NIPAL3: variants seen among roughly 807,000 people sequenced by gnomAD.
NIPAL3 encodes the protein NIPA like domain containing 3.
Under a neutral mutation model 47.2 loss-of-function variants are expected in NIPAL3, and 41 were observed. The ratio of observed to expected loss-of-function variants is 0.87; its 90% CI spans 0.68 to 1.13. NIPAL3 has a LOEUF of 1.13. Ranked by LOEUF, NIPAL3 falls within the 50% of genes most tolerant of loss-of-function variation. The pLI, the probability that NIPAL3 is intolerant of heterozygous loss-of-function variation, is 0.00. For missense variants in NIPAL3, 449 were observed against 530.1 expected, an observed-to-expected ratio of 0.85 and a Z score of 1.50; for synonymous variants, 194 against 209.6, an observed-to-expected ratio of 0.93 and a Z score of 0.64.
At chr1:24,439,527 GTGT>G (rs936415334) in intron 2 of NIPAL3, among the ~76,000 whole-genome samples, 7 of 151,982 alleles carry the variant, frequency 4.6e-5, no homozygotes, top group African/African-American at 7.3e-5. Context: ...TATTATGGTG[GTGT>G]TGTTATTGTT....
At chr1:24,462,740 C>T (rs1034561556) in intron 10 of NIPAL3, among the ~76,000 whole-genome samples, 15 of 152,052 alleles carry the variant, frequency 9.9e-5, no homozygotes, top group African/African-American at 3.6e-4. Context: ...GCACTCCAGC[C>T]TGGGCGACAG....
At position 24,442,241 on chromosome 1, in the gene NIPAL3, G is replaced by T; in HGVS notation, c.334+15G>T. On this transcript the variant is annotated intron_variant, in intron 4 of 11. Transcript: ENST00000374399. Reference sequence around the variant, plus strand: ...TTCTGTGATAGGTAAGACCAGGGCTGCCCCACCCTCCCCTGGGGTGCTCCC... The same window carrying T: ...TTCTGTGATAGGTAAGACCAGGGCTTCCCCACCCTCCCCTGGGGTGCTCCC... The T allele has an allele frequency of 6.2e-7, 1 of 1,611,556 alleles. No homozygotes were observed. Among genetic ancestry groups the T allele is most frequent in the South Asian group, 1.1e-5 (1 of 90,870 alleles).
rs1266940786 is a variant in NIPAL3 at position 24,469,278 on chromosome 1, TCTAA to T, written c.*96_*99del. 1 of 1,042,210 alleles carries T rather than the reference TCTAA, an allele frequency of 9.6e-7. No individual in the cohort carries two copies. Among genetic ancestry groups the T allele is most frequent in the Admixed American group, 2.6e-5 (1 of 38,390 alleles). 64.6% of individuals were successfully genotyped at this position (1,042,210 alleles called of 1,614,324 possible). ...CTTGCCTTTCAAGTCTCATTTTGTTTCTAACTGAGAACTCTATGGATGATGATCT... is the reference window on the plus strand; with the variant it reads ...CTTGCCTTTCAAGTCTCATTTTGTTTCTGAGAACTCTATGGATGATGATCT... On this transcript the variant is annotated 3_prime_UTR_variant, in exon 12 of 12. Transcript: ENST00000374399.
rs1645914301 is a variant in NIPAL3, at chr1:24,451,085, C to G, written c.540+1459C>G. ...CTCTGTTTCCCTCTCTGTAAAGTGG[C>G]AAGAATCTCTGGACTTAAAATTGCT... On this transcript the variant is annotated intron_variant, in intron 6 of 11. Transcript: ENST00000374399. The surrounding 1 kb of genome is among the most constrained non-coding windows in gnomAD (Gnocchi z 4.5). 6.6e-6 allele frequency among the ~76,000 whole-genome samples: 1 copy of G among 152,202 alleles called. No individual in the cohort carries two copies. Among genetic ancestry groups the G allele is most frequent in the African/African-American group, 2.4e-5 (1 of 41,442 alleles).
chr1:24,433,162 C>G (rs749602858), intron 2 of NIPAL3: 3 of 152,112 alleles, frequency 2.0e-5, no homozygotes, highest in Non-Finnish European at 2.9e-5. Context: ...AAACAAATGC[C>G]CAAAGATATG....
At chr1:24,436,137 A>G (rs958807314) in intron 2 of NIPAL3, among the ~76,000 whole-genome samples, 2 of 152,028 alleles carry the variant, frequency 1.3e-5, no homozygotes, top group Non-Finnish European at 2.9e-5. Context: ...GGACTTCAAC[A>G]TATAAACTTA....
At chr1:24,461,989 C>T (rs1646493404) in intron 10 of NIPAL3, among the ~76,000 whole-genome samples, 1 of 152,082 alleles carries the variant, frequency 6.6e-6, no homozygotes, top group South Asian at 2.1e-4. Flanking sequence ...ATACCTGAGA[C>T]TGGGTAATTT....
Position 24,429,724 on chromosome 1 carries a change from T to C in NIPAL3, c.93+10084T>C, listed in dbSNP as rs75342763. ...GGTCTGATTGGAGGAAAGTCCCTAG[T>C]TAGAGGTTAGTTGATGCTTTGATTG... On this transcript the variant is annotated intron_variant, in intron 2 of 11. Coordinates refer to ENST00000374399, the MANE Select transcript of NIPAL3 (RefSeq NM_020448.5). 5.4e-3 allele frequency among the ~76,000 whole-genome samples: 819 copies of C among 152,282 alleles called. 2 individuals carry two copies. The highest frequency in any genetic ancestry group is 8.6e-3 in the Non-Finnish European group (586 of 68,012).
chr1:24,460,773 GACACATGAAA>G (rs1268625942), intron 10 of NIPAL3, among the ~76,000 whole-genome samples: 1 of 152,050 alleles, frequency 6.6e-6, no homozygotes, highest in Non-Finnish European at 1.5e-5. Context: ...ATCACATTTT[GACACATGAAA>G]AGTCTCTCAA....
chr1:24,458,924 T>C lies in NIPAL3; in HGVS notation c.810T>C (p.Ser270=). 6.2e-7 allele frequency: 1 copy of C among 1,614,170 alleles called. No individual in the cohort carries two copies. The highest frequency in any genetic ancestry group is 8.5e-7 in the Non-Finnish European group (1 of 1,180,004). Residue 270 remains serine, a synonymous_variant, in exon 9 of 12, where the codon TCT becomes TCC. Coordinates refer to ENST00000374399, the MANE Select transcript of NIPAL3 (RefSeq NM_020448.5). ...LSQASQMYDS[S]LIASVGYILS... ...AAGCCTCACAGATGTACGACTCCTC[T>C]TTGATTGCCAGTGTGGGCTACATTC...
At chr1:24,446,573 A>C (rs568127537) in intron 5 of NIPAL3, among the ~76,000 whole-genome samples, 2 of 151,932 alleles carry the variant, frequency 1.3e-5, no homozygotes, top group East Asian at 3.9e-4. Flanking sequence ...AATGGCTTCT[A>C]CCTCCATCCA....
rs374592381 is a variant in NIPAL3, at chr1:24,437,121, G to A, written c.94-3051G>A. ...CAAAATAATAGCCGGGCGAGGTGGC[G>A]GGCGCCTGTAGTCCCAGCTACTTGG... On this transcript the variant is annotated intron_variant, in intron 2 of 11. Coordinates refer to ENST00000374399, the MANE Select transcript of NIPAL3 (RefSeq NM_020448.5). Among the ~76,000 whole-genome samples the A allele has an allele frequency of 6.0e-4, 91 of 152,014 alleles. No homozygotes were observed. In the East Asian group the frequency reaches 0.017, roughly 28 times the overall value.
chr1:24,436,802 TG>T (rs1407400189), intron 2 of NIPAL3, among the ~76,000 whole-genome samples: 2 of 151,584 alleles, frequency 1.3e-5, no homozygotes, highest in Non-Finnish European at 2.9e-5. Context: ...CCCAGCCTTT[TG>T]TTTGCCTTAT....
chr1:24,471,022 G>A lies in NIPAL3; in HGVS notation c.*1837G>A, dbSNP rs939127577. ...CAGGAATCTCTGATGGGTGTGAAGT[G>A]CGGTCGTGGGCCACAGAAAATGACC... On this transcript the variant is annotated 3_prime_UTR_variant, in exon 12 of 12. Coordinates refer to ENST00000374399, the MANE Select transcript of NIPAL3 (RefSeq NM_020448.5). 1 of 152,238 alleles carries A rather than the reference G, an allele frequency of 6.6e-6. No homozygotes were observed. The highest frequency in any genetic ancestry group is 1.5e-5 in the Non-Finnish European group (1 of 68,066). The allele number at this position is 152,238 out of a possible 1,614,324, so 9.4% of individuals were successfully genotyped here. A position where few individuals can be genotyped will look rare whatever the true frequency, so the allele number is the denominator to read the frequency against.
intron 5 of NIPAL3, among the ~76,000 whole-genome samples, chr1:24,447,817 C>T (rs1404337805): frequency 6.6e-6 from 1 of 152,256 alleles, no homozygotes; most frequent in Admixed American, 6.5e-5. Context: ...TTTGTAGGCA[C>T]AAGCCTTGAT....
chr1:24,447,822 C>G (rs1645743844), intron 5 of NIPAL3, among the ~76,000 whole-genome samples: 1 of 152,254 alleles, frequency 6.6e-6, no homozygotes, highest in Non-Finnish European at 1.5e-5. Context: ...AGGCACAAGC[C>G]TTGATGAGCA....
chr1:24,415,744 T>C (rs1643987391), upstream of NIPAL3: 1 of 710,332 alleles, frequency 1.4e-6, no homozygotes, highest in Non-Finnish European at 1.7e-6. Flanking sequence ...TGGCAGGCAG[T>C]CTGGCAAATC....
chr1:24,428,336 A>AT (rs1323941407), intron 2 of NIPAL3, among the ~76,000 whole-genome samples: 1 of 149,968 alleles, frequency 6.7e-6, no homozygotes, highest in Non-Finnish European at 1.5e-5. Flanking sequence ...CAGCTATAAA[A>AT]CCTAAAATAT....
At chr1:24,455,020 G>T (rs377136497) in intron 7 of NIPAL3, among the ~76,000 whole-genome samples, 1 of 152,232 alleles carries the variant, frequency 6.6e-6, no homozygotes, top group Non-Finnish European at 1.5e-5. Flanking sequence ...GACTAAGAAG[G>T]ACTACCTGAT....
Sources: allele counts gnomAD v4.1 joint callset (sites outside exome capture counted in the v4.1 genomes callset), GRCh38; gene constraint gnomAD v4.1.1; non-coding constraint Gnocchi (gnomAD v3.1); transcripts MANE v1.5; gene names NCBI Gene and HGNC (gene_info 2026-07-23, HGNC 2026-07-21).